Variants in SMIM3 observed in about 807,000 individuals in gnomAD.
SMIM3 encodes the protein NGF-induced differentiation clone 67 protein.
A neutral mutation model predicts 2.1 loss-of-function variants in SMIM3; 4 were observed. The observed-to-expected ratio is 1.89, with a 90% confidence interval of 0.93 to 4.31. The LOEUF (loss-of-function observed/expected upper bound fraction) is 4.31, where lower values mean the gene tolerates loss of function less well. Among genes scored for constraint, SMIM3 ranks in the 30% most tolerant of loss-of-function variants. SMIM3 has a pLI of 0.01. For synonymous variants in SMIM3, 29 were observed against 30.8 expected (o/e 0.94, Z 0.19); for missense variants, 79 against 77.7 (o/e 1.02, Z -0.06).
intron 1 of SMIM3, among the ~76,000 whole-genome samples, chr5:150,791,404 C>T (rs57406211): frequency 0.094 from 14,312 of 152,072 alleles, 1,018 homozygotes; most frequent in East Asian, 0.41. Flanking sequence ...AGTATCTCCC[C>T]ATTCCCCCGA....
At chr5:150,786,936 C>T (rs973610807) in intron 1 of SMIM3, among the ~76,000 whole-genome samples, 1 of 152,146 alleles carries the variant, frequency 6.6e-6, no homozygotes, top group Admixed American at 6.5e-5. Flanking sequence ...CTGGAGATTC[C>T]TTAATTTAAT....
intron 1 of SMIM3, among the ~76,000 whole-genome samples, chr5:150,787,935 T>C (rs1177205929): frequency 6.6e-6 from 1 of 152,068 alleles, no homozygotes; most frequent in Non-Finnish European, 1.5e-5. Context: ...AAATACCAAG[T>C]ACTTGACATA....
In SMIM3 at chr5:150,796,707, C is replaced by T. The variant is rs1753413135; in HGVS notation, c.*1084C>T. On this transcript the variant is annotated 3_prime_UTR_variant, in exon 2 of 2. Transcript: ENST00000526627. ...GATGTGATCTCATTGATGTACACAA[C>T]CAAGTTCCAATAAAGTGCTAGAATG... The T allele has an allele frequency of 6.6e-6, 1 of 152,310 alleles. No homozygotes were observed. Among genetic ancestry groups the T allele is most frequent in the Non-Finnish European group, 1.5e-5 (1 of 68,032 alleles). 9.4% of individuals were successfully genotyped at this position (152,310 alleles called of 1,614,324 possible).
chr5:150,784,397 C>G (rs1207672799), intron 1 of SMIM3, among the ~76,000 whole-genome samples: 1 of 152,192 alleles, frequency 6.6e-6, no homozygotes, highest in South Asian at 2.1e-4. Context: ...CTTCATGTAT[C>G]TCATCAACTC....
Position 150,795,610 on chromosome 5 carries a change from G to C in SMIM3, c.170G>C (p.Ser57Thr). The C allele has an allele frequency of 6.4e-7, 1 of 1,550,972 alleles. No homozygotes were observed. Among genetic ancestry groups the C allele is most frequent in the Non-Finnish European group, 8.7e-7 (1 of 1,154,310 alleles). The change falls in exon 2 of 2, where the codon AGT becomes ACT. Residue 57 changes from serine (S) to threonine (T), a missense_variant. By Grantham distance (58) the Ser-to-Thr change is moderately conservative. Transcript: ENST00000526627. ...IYRMRTHPIL[S>T]GAV The stretch of plus-strand genomic sequence containing the variant: ...CGCATGCGGACTCATCCGATCCTTA[G>C]TGGGGCTGTTTGAGAGCCTCCCAAG...
At chr5:150,785,517 T>C (rs1236132932) in intron 1 of SMIM3, among the ~76,000 whole-genome samples, 3 of 152,042 alleles carry the variant, frequency 2.0e-5, no homozygotes, top group Non-Finnish European at 4.4e-5. Flanking sequence ...GTTTCTCTTT[T>C]AAAGATATTC....
rs773605312 is a variant in SMIM3, at chr5:150,795,540, A to C, written c.100A>C (p.Met34Leu). 6.2e-7 allele frequency: 1 copy of C among 1,611,044 alleles called. No homozygotes were observed. The highest frequency in any genetic ancestry group is 1.3e-5 in the African/African-American group (1 of 74,904). Reference sequence around the variant, plus strand: ...CATCATCCTGGCCACCATTGTCATCATGACCTCGTTGTTGCTGTGCCCAGC... The same window carrying C: ...CATCATCCTGGCCACCATTGTCATCCTGACCTCGTTGTTGCTGTGCCCAGC... ...VLIILATIVI[M>L]TSLLLCPATA... The change falls in exon 2 of 2, where the codon ATG becomes CTG. Residue 34 changes from methionine to leucine, a missense_variant. By Grantham distance (15) the Met-to-Leu change is conservative. Coordinates refer to ENST00000526627, the MANE Select transcript of SMIM3 (RefSeq NM_032947.5).
chr5:150,781,959 G>A (rs908760008), intron 1 of SMIM3, among the ~76,000 whole-genome samples: 4 of 152,198 alleles, frequency 2.6e-5, no homozygotes, highest in African/African-American at 7.2e-5. Flanking sequence ...CAGATGGTAC[G>A]TGCGGTCTTA....
At chr5:150,786,299 G>A (rs1008655497) in intron 1 of SMIM3, among the ~76,000 whole-genome samples, 1 of 151,760 alleles carries the variant, frequency 6.6e-6, no homozygotes, top group Non-Finnish European at 1.5e-5. Flanking sequence ...TGTTGTTGTT[G>A]TTTTTCGAGA....
chr5:150,779,403 C>G (rs1222640509), intron 1 of SMIM3, among the ~76,000 whole-genome samples: 1 of 152,162 alleles, frequency 6.6e-6, no homozygotes, highest in Non-Finnish European at 1.5e-5. Flanking sequence ...GGGTTTGGGT[C>G]TTTGCACTTA....
chr5:150,785,725 G>A (rs1031183931), intron 1 of SMIM3, among the ~76,000 whole-genome samples: 1 of 151,594 alleles, frequency 6.6e-6, no homozygotes, highest in Non-Finnish European at 1.5e-5. Context: ...TGGGACTACA[G>A]ACGTGTGCCA....
At chr5:150,790,347 G>A (rs930390738) in intron 1 of SMIM3, among the ~76,000 whole-genome samples, 1 of 152,126 alleles carries the variant, frequency 6.6e-6, no homozygotes, top group Non-Finnish European at 1.5e-5. Flanking sequence ...GACTCTTGTG[G>A]GGTTCCTTTA....
intron 1 of SMIM3, among the ~76,000 whole-genome samples, chr5:150,780,676 A>G (rs1753223848): frequency 6.6e-6 from 1 of 152,194 alleles, no homozygotes; most frequent in African/African-American, 2.4e-5. Flanking sequence ...TGGGGGTGAC[A>G]GACCAAGGGG....
At chr5:150,783,148 A>G (rs1753253817) in intron 1 of SMIM3, among the ~76,000 whole-genome samples, 1 of 152,214 alleles carries the variant, frequency 6.6e-6, no homozygotes. Context: ...GGGGAGGAAA[A>G]GAGCATTCTG....
At chr5:150,789,280 G>A (rs191198950) in intron 1 of SMIM3, among the ~76,000 whole-genome samples, 3 of 152,296 alleles carry the variant, frequency 2.0e-5, no homozygotes, top group South Asian at 4.1e-4. Flanking sequence ...TTAGAGTCCT[G>A]CTTTTTCTCA....
rs796909997 is a variant in SMIM3 at position 150,785,062 on chromosome 5, A to AT, written c.-12+6100dup. ...TTGCTCTTGAATACTTTAATTCTGT[A>AT]TTTTTTTTTTCTGAAAATGTCTTTT... On this transcript the variant is annotated intron_variant, in intron 1 of 1. Transcript: ENST00000526627. 6.3e-3 allele frequency among the ~76,000 whole-genome samples: 491 copies of AT among 77,442 alleles called. 3 individuals carry two copies. The highest frequency in any genetic ancestry group is 0.018 in the African/African-American group (431 of 24,392). 50.8% of individuals were successfully genotyped at this position (77,442 alleles called of 152,430 possible). A position where few individuals can be genotyped will look rare whatever the true frequency, so the allele number is the denominator to read the frequency against.
At chr5:150,787,263 G>T (rs964963226) in intron 1 of SMIM3, among the ~76,000 whole-genome samples, 1 of 152,114 alleles carries the variant, frequency 6.6e-6, no homozygotes, top group African/African-American at 2.4e-5. Flanking sequence ...AATGAAGACT[G>T]GTAATTCTTC....
At chr5:150,787,238 T>G (rs1315480050) in intron 1 of SMIM3, among the ~76,000 whole-genome samples, 3 of 152,234 alleles carry the variant, frequency 2.0e-5, no homozygotes, top group Non-Finnish European at 2.9e-5. Flanking sequence ...CTTAGAGTCC[T>G]GCTTTTTCTC....
In SMIM3 at chr5:150,795,878, G is replaced by A; in HGVS notation, c.*255G>A. 1 of 512,548 alleles carries A rather than the reference G, an allele frequency of 2.0e-6. No individual in the cohort carries two copies. The highest frequency in any genetic ancestry group is 3.5e-6 in the Non-Finnish European group (1 of 282,962). 31.8% of individuals were successfully genotyped at this position (512,548 alleles called of 1,614,324 possible). ...GATGTGAGAACCACCTGACTTAGTG[G>A]ATGTGAAAGCTGTTTGTGATCAGTA... On this transcript the variant is annotated 3_prime_UTR_variant, in exon 2 of 2. Transcript: ENST00000526627.
Sources: gnomAD v4.1 joint callset for allele counts (sites outside exome capture counted in the v4.1 genomes callset) on GRCh38, gnomAD v4.1.1 for gene constraint, MANE v1.5 for transcripts, NCBI Gene and HGNC (gene_info 2026-07-23, HGNC 2026-07-21) for gene names.